Variants in SCNN1B observed in about 807,000 individuals in gnomAD.
SCNN1B encodes the protein epithelial sodium channel subunit beta.
Under a neutral mutation model 65.3 loss-of-function variants are expected in SCNN1B, and 46 were observed. The observed-to-expected ratio is 0.70, with a 90% CI of 0.56 to 0.90. SCNN1B has a LOEUF of 0.90. Among genes scored for constraint, SCNN1B ranks in the 40% least tolerant of loss-of-function variants. The probability of loss-of-function intolerance (pLI) is 0.00; values close to 1 mark genes in which losing one functional copy is unlikely to be tolerated. For synonymous variants in SCNN1B, 349 were observed against 330.6 expected, an observed-to-expected ratio of 1.06 and a Z score of -0.60; for missense variants, 751 against 830.5, an observed-to-expected ratio of 0.90 and a Z score of 1.18.
intron 1 of SCNN1B, among the ~76,000 whole-genome samples, chr16:23,345,302 G>T (rs145456749): frequency 4.6e-5 from 7 of 152,196 alleles, no homozygotes; most frequent in Non-Finnish European, 7.4e-5. Flanking sequence ...CAAGAAACTA[G>T]AACACAGGAT....
At chr16:23,289,391 C>A (rs1960892404) in intron 2 of SCNN1B, among the ~76,000 whole-genome samples, 1 of 152,090 alleles carries the variant, frequency 6.6e-6, no homozygotes, top group Admixed American at 6.6e-5. Context: ...CCCATCTCTA[C>A]AAAATATTTT....
chr16:23,324,370 G>T (rs763357122), intron 1 of SCNN1B, among the ~76,000 whole-genome samples: 8 of 151,722 alleles, frequency 5.3e-5, no homozygotes, highest in Non-Finnish European at 1.0e-4. Context: ...TTTGTTTTTT[G>T]TTGTTGTTGC....
chr16:23,279,074 GGT>G (rs113833144), intron 1 of SCNN1B, among the ~76,000 whole-genome samples: 12,239 of 127,868 alleles, frequency 0.096, 673 homozygotes, highest in East Asian at 0.29. Flanking sequence ...GTGTGTGTGG[GGT>G]GTGTGTGTGT....
At chr16:23,329,968 G>A (rs75144622) in intron 1 of SCNN1B, among the ~76,000 whole-genome samples, 5,424 of 151,666 alleles carry the variant, frequency 0.036, 312 homozygotes, top group African/African-American at 0.13. Context: ...TGGAGGCTGC[G>A]GTGAATTGCG....
Position 23,288,110 on chromosome 16 carries a change from G to A in SCNN1B, n.178+4306G>A, listed in dbSNP as rs192560355. ...TGAGGCTGCAGTGAGCTGACATTGC[G>A]CCACTTTACTCCAGCCTGTGTGACA... is the stretch of plus-strand genomic sequence containing the variant. On this transcript the variant is annotated intron_variant and non_coding_transcript_variant, in intron 2 of 3. Transcript: ENST00000569789. Among the ~76,000 whole-genome samples the A allele has an allele frequency of 7.5e-4, 114 of 152,066 alleles. 1 individual carries two copies. The highest frequency in any genetic ancestry group is 1.0e-3 in the Non-Finnish European group (70 of 67,968).
chr16:23,337,178 G>A (rs771682167), intron 1 of SCNN1B, among the ~76,000 whole-genome samples: 2 of 151,258 alleles, frequency 1.3e-5, no homozygotes, highest in African/African-American at 2.4e-5. Context: ...CAGCCTCCCC[G>A]GTAGCTGAGA....
chr16:23,379,871 C>T (rs369644103), intron 11 of SCNN1B, among the ~76,000 whole-genome samples: 18 of 152,272 alleles, frequency 1.2e-4, no homozygotes, highest in South Asian at 8.3e-4. Context: ...TCCCCACTCA[C>T]GGGGGCACGC....
intron 3 of SCNN1B, among the ~76,000 whole-genome samples, chr16:23,353,788 G>T (rs904367220): frequency 6.6e-6 from 1 of 152,260 alleles, no homozygotes; most frequent in Non-Finnish European, 1.5e-5. Flanking sequence ...CACATGCCAA[G>T]AAACAACTGC....
At chr16:23,285,683 A>G (rs754668234) in intron 2 of SCNN1B, among the ~76,000 whole-genome samples, 5 of 152,116 alleles carry the variant, frequency 3.3e-5, no homozygotes, top group Non-Finnish European at 5.9e-5. Flanking sequence ...AATAAAAAAT[A>G]CAATAATAGT....
rs1034204793 is a variant in SCNN1B at position 23,279,860 on chromosome 16, T to A, written n.110+1520T>A. On this transcript the variant is annotated intron_variant and non_coding_transcript_variant, in intron 1 of 3. Coordinates refer to the SCNN1B transcript ENST00000569789. ...CTGCAGAGCTCCGAGCTCTCTCCAGTGTTTCTGCAGAGCCCCTGGAGAACA... is the reference window on the plus strand; with the variant it reads ...CTGCAGAGCTCCGAGCTCTCTCCAGAGTTTCTGCAGAGCCCCTGGAGAACA... Among the ~76,000 whole-genome samples the A allele has an allele frequency of 2.0e-5, 3 of 151,858 alleles. No individual in the cohort carries two copies. In the South Asian group the frequency reaches 6.2e-4, roughly 31 times the overall value.
At chr16:23,305,536 A>C (rs866841208) in intron 1 of SCNN1B, among the ~76,000 whole-genome samples, 1 of 15,902 alleles carries the variant, frequency 6.3e-5, no homozygotes, top group Admixed American at 6.4e-4. Flanking sequence ...TATATATATT[A>C]TATATATATA....
exon 1 of SCNN1B, chr16:23,278,249 C>T (rs1054643909): frequency 2.6e-5 from 4 of 152,144 alleles, no homozygotes; most frequent in African/African-American, 9.7e-5. Flanking sequence ...CTAAAACATG[C>T]TTGAACCTCA....
chr16:23,314,771 C>CA (rs908137725), intron 1 of SCNN1B, among the ~76,000 whole-genome samples: 2 of 152,238 alleles, frequency 1.3e-5, no homozygotes, highest in African/African-American at 4.8e-5. Context: ...GGGTACTCAG[C>CA]CCCTTGCCTT....
chr16:23,305,580 TA>T lies in SCNN1B; in HGVS notation c.-9+3144del, dbSNP rs1225763526. Among the ~76,000 whole-genome samples, 274 of 28,310 alleles carry T rather than the reference TA, an allele frequency of 9.7e-3. 17 individuals are homozygous for T. Among genetic ancestry groups the T allele is most frequent in the African/African-American group, 0.056 (234 of 4,196 alleles). The allele number at this position is 28,310 out of a possible 152,430, so 18.6% of individuals were successfully genotyped here. A position where few individuals can be genotyped will look rare whatever the true frequency, so the allele number is the denominator to read the frequency against. ...TATATATATATATATATATATATTA[TA>T]TATATATATATATATATAACCTGGG... On this transcript the variant is annotated intron_variant, in intron 1 of 12. Transcript: ENST00000343070.
At chr16:23,299,274 G>A (rs1161996998), upstream of SCNN1B, among the ~76,000 whole-genome samples, 1 of 151,878 alleles carries the variant, frequency 6.6e-6, no homozygotes, top group Non-Finnish European at 1.5e-5. Flanking sequence ...TGCCCAGGCT[G>A]GTCTCGAACT....
At chr16:23,283,500 G>A (rs148039676) in intron 1 of SCNN1B, among the ~76,000 whole-genome samples, 1 of 152,344 alleles carries the variant, frequency 6.6e-6, no homozygotes, top group African/African-American at 2.4e-5. Flanking sequence ...TGAATGTCTT[G>A]TGTAATGTAT....
chr16:23,363,826 A>G (rs1349302788), intron 4 of SCNN1B, among the ~76,000 whole-genome samples: 3 of 151,910 alleles, frequency 2.0e-5, no homozygotes, highest in African/African-American at 7.3e-5. Flanking sequence ...CCAAAAAAAA[A>G]AAGGAAGCTG....
chr16:23,343,254 A>G (rs1962089638), intron 1 of SCNN1B, among the ~76,000 whole-genome samples: 1 of 150,696 alleles, frequency 6.6e-6, no homozygotes, highest in South Asian at 2.2e-4. Context: ...GGAGATCGAG[A>G]CCAGCCTGAC....
At chr16:23,315,298 T>A (rs1961429965) in intron 1 of SCNN1B, among the ~76,000 whole-genome samples, 2 of 152,114 alleles carry the variant, frequency 1.3e-5, no homozygotes, top group African/African-American at 4.8e-5. Context: ...GATCGCACCA[T>A]TGCACTCCAG....
Sources: gnomAD v4.1 joint callset for allele counts (sites outside exome capture counted in the v4.1 genomes callset) on GRCh38, gnomAD v4.1.1 for gene constraint, MANE v1.5 for transcripts, NCBI Gene and HGNC (gene_info 2026-07-23, HGNC 2026-07-21) for gene names.